ANK1: variants seen among roughly 807,000 people sequenced by gnomAD.
The protein encoded by ANK1 is ankyrin-1.
ANK1 carries 51 observed loss-of-function variants against 210.4 expected under a neutral mutation model. The observed-to-expected ratio is 0.24, with a 90% CI of 0.19 to 0.31. The LOEUF is 0.31. Among genes scored for constraint, ANK1 ranks in the 10% least tolerant of loss-of-function variants. ANK1 has a pLI of 1.00. For missense variants in ANK1, 2,051 were observed against 2,504.4 expected, an observed-to-expected ratio of 0.82 and a Z score of 3.86; for synonymous variants, 967 against 1,025.9, an observed-to-expected ratio of 0.94 and a Z score of 1.10.
At chr8:41,804,014 A>G (rs13264181) in intron 1 of ANK1, among the ~76,000 whole-genome samples, 46,529 of 152,118 alleles carry the variant, frequency 0.31, 8,758 homozygotes, top group Non-Finnish European at 0.41. Context: ...GTAGCCCCCA[A>G]TTGTGCTGAT....
chr8:41,787,463 A>G (rs1336466206), intron 1 of ANK1, among the ~76,000 whole-genome samples: 1 of 152,110 alleles, frequency 6.6e-6, no homozygotes, highest in African/African-American at 2.4e-5. Flanking sequence ...CCCCAGCCCA[A>G]CCTGACAGGG....
At chr8:41,866,264 A>AT (rs1391071680) in intron 1 of ANK1, among the ~76,000 whole-genome samples, 6 of 152,200 alleles carry the variant, frequency 3.9e-5, no homozygotes, top group African/African-American at 1.4e-4. Flanking sequence ...ATCACAGCTC[A>AT]TTGCGGCCTT....
At chr8:41,740,859 G>A (rs932370682) in intron 2 of ANK1, among the ~76,000 whole-genome samples, 1 of 152,178 alleles carries the variant, frequency 6.6e-6, no homozygotes, top group Non-Finnish European at 1.5e-5. Flanking sequence ...TTCAGCCTGG[G>A]GCCAGGCACT....
At chr8:41,729,545 C>T (rs1052421134) in intron 3 of ANK1, among the ~76,000 whole-genome samples, 11 of 152,178 alleles carry the variant, frequency 7.2e-5, no homozygotes, top group Non-Finnish European at 1.3e-4. Flanking sequence ...CGTGTGCCAC[C>T]GTGCCCAGCC....
chr8:41,727,820 C>T lies in ANK1; in HGVS notation c.327+88G>A, dbSNP rs80105440. 7.2e-4 allele frequency: 892 copies of T among 1,234,910 alleles called. 14 individuals carry two copies. In the East Asian group the frequency reaches 0.02, roughly 27 times the overall value. 76.5% of individuals were successfully genotyped at this position (1,234,910 alleles called of 1,614,324 possible). A position where few individuals can be genotyped will look rare whatever the true frequency, so the allele number is the denominator to read the frequency against. ...CCCCACAGTAGTGTGTGTGTTAACACGGCTGCCAATGGACCCACGAGGGAG... is the reference window on the plus strand; with the variant it reads ...CCCCACAGTAGTGTGTGTGTTAACATGGCTGCCAATGGACCCACGAGGGAG... On this transcript the variant is annotated intron_variant, in intron 4 of 42. Transcript: ENST00000289734.
At chr8:41,721,997 A>AT (rs771788741) in intron 9 of ANK1, among the ~76,000 whole-genome samples, 14 of 152,328 alleles carry the variant, frequency 9.2e-5, no homozygotes, top group South Asian at 2.1e-4. Context: ...AATGTTGGGA[A>AT]TTTTCTAATA....
At chr8:41,841,748 G>C (rs548173251) in intron 1 of ANK1, among the ~76,000 whole-genome samples, 1 of 152,106 alleles carries the variant, frequency 6.6e-6, no homozygotes, top group South Asian at 2.1e-4. Context: ...AAAAGGAAAA[G>C]GAAAAAAATG....
chr8:41,665,115 C>A, intron 39 of ANK1: 2 of 1,557,342 alleles, frequency 1.3e-6, no homozygotes, highest in South Asian at 1.2e-5. Context: ...ACTCCTGAGT[C>A]CCCCAGGGAC....
chr8:41,842,135 C>A (rs903831143), intron 1 of ANK1, among the ~76,000 whole-genome samples: 1 of 152,154 alleles, frequency 6.6e-6, no homozygotes, highest in South Asian at 2.1e-4. Context: ...CCAGGAGGCA[C>A]CAGGGTGGAC....
Position 41,760,903 on chromosome 8 carries a change from T to TA in ANK1, c.28-2767dup, listed in dbSNP as rs538201242. Among the ~76,000 whole-genome samples the TA allele has an allele frequency of 5.3e-5, 8 of 151,772 alleles. No individual in the cohort carries two copies. The South Asian group carries it at 1.7e-3, about 32-fold the overall frequency. ...TGTCTCCTTCCTCTACATGCCCTCC[T>TA]AAAAAAAACATGCTGCAGTGGGCTG... On this transcript the variant is annotated intron_variant, in intron 1 of 42. Transcript: ENST00000289734.
upstream of ANK1, among the ~76,000 whole-genome samples, chr8:41,801,842 C>T (rs1024150508): frequency 5.9e-5 from 9 of 152,094 alleles, no homozygotes; most frequent in African/African-American, 1.4e-4. Context: ...TATCTTTTAA[C>T]GAACTAATAT....
At chr8:41,690,391 G>A in intron 32 of ANK1, 45 bp from the exon 33 acceptor site, 1 of 1,614,190 alleles carries the variant, frequency 6.2e-7, no homozygotes, top group Non-Finnish European at 8.5e-7. Flanking sequence ...CCTTTTCTAG[G>A]CCACCCGGCT....
At chr8:41,803,051 GAA>G (rs1272108531) in intron 1 of ANK1, among the ~76,000 whole-genome samples, 15 of 72,932 alleles carry the variant, frequency 2.1e-4, no homozygotes, top group Admixed American at 8.7e-4. Context: ...GAGAAAGAAA[GAA>G]AGAGAGAAAG....
chr8:41,762,525 C>T (rs759379969), intron 1 of ANK1, among the ~76,000 whole-genome samples: 3 of 152,178 alleles, frequency 2.0e-5, no homozygotes, highest in Non-Finnish European at 4.4e-5. Flanking sequence ...TAGGGCGAGG[C>T]CTCCCTTGAC....
intron 1 of ANK1, among the ~76,000 whole-genome samples, chr8:41,848,925 C>T (rs149024477): frequency 6.6e-6 from 1 of 152,328 alleles, no homozygotes; most frequent in Non-Finnish European, 1.5e-5. Context: ...AGTCTCCAGG[C>T]CTGTGACCAT....
chr8:41,711,324 A>T (rs1336133740), intron 16 of ANK1, among the ~76,000 whole-genome samples: 1 of 152,238 alleles, frequency 6.6e-6, no homozygotes, highest in Non-Finnish European at 1.5e-5. Context: ...AAGAGATCCC[A>T]GAAAAACCTT....
At position 41,661,445 on chromosome 8, in the gene ANK1, T is replaced by A; in HGVS notation, c.*21A>T. ...GCAGCGTTACCTCCCGAGAGGCTAC[T>A]CCAAGGAGAGCGGCTCGGGGTCACT... is the stretch of plus-strand genomic sequence containing the variant. On this transcript the variant is annotated 3_prime_UTR_variant, in exon 42 of 43. Coordinates refer to ENST00000289734, the MANE Select transcript of ANK1 (RefSeq NM_000037.4). 1 of 1,614,068 alleles carries A rather than the reference T, an allele frequency of 6.2e-7. No homozygotes were observed. Among genetic ancestry groups the A allele is most frequent in the South Asian group, 1.1e-5 (1 of 91,084 alleles).
intron 1 of ANK1, among the ~76,000 whole-genome samples, chr8:41,773,103 G>A (rs532008264): frequency 6.6e-6 from 1 of 152,338 alleles, no homozygotes; most frequent in Admixed American, 6.5e-5. Flanking sequence ...GGCAGTGACA[G>A]AAGAAAGGGA....
At chr8:41,716,700 G>A (rs1827774768) in intron 13 of ANK1, among the ~76,000 whole-genome samples, 1 of 152,212 alleles carries the variant, frequency 6.6e-6, no homozygotes, top group African/African-American at 2.4e-5. Flanking sequence ...CGTTAGCCCA[G>A]GACATACTCA....
Sources: allele counts gnomAD v4.1 joint callset (sites outside exome capture counted in the v4.1 genomes callset), GRCh38; gene constraint gnomAD v4.1.1; transcripts MANE v1.5; gene names NCBI Gene and HGNC (gene_info 2026-07-23, HGNC 2026-07-21).